Variants in GORAB observed in about 807,000 individuals in gnomAD.
GORAB encodes the protein golgin, RAB6 interacting, also known as RAB6-interacting golgin.
A neutral mutation model predicts 29.9 loss-of-function variants in GORAB; 17 were observed. The observed-to-expected ratio is 0.57, with a 90% CI of 0.39 to 0.85. GORAB has a LOEUF of 0.85. GORAB is among the 40% of genes least tolerant of loss of function. GORAB has a pLI of 0.00. For synonymous variants in GORAB, 183 were observed against 157.2 expected, an observed-to-expected ratio of 1.16 and a Z score of -1.23; for missense variants, 442 against 437.8, an observed-to-expected ratio of 1.01 and a Z score of -0.09.
chr1:170,539,552 A>G lies in GORAB; in HGVS notation c.404A>G (p.Lys135Arg), dbSNP rs1649281075. Reference protein sequence around the residue: ...LPPKPDCKLEKKKVELQEKSR... With the variant: ...LPPKPDCKLERKKVELQEKSR... ...CCAAAGCCAGATTGCAAATTGGAGA[A>G]AAAGAAAGTGGAATTGTTAGTAAGT... Residue 135 changes from lysine (K) to arginine (R), a missense_variant, in exon 2 of 5, where the codon AAA (lysine) becomes AGA (arginine). By Grantham distance (26) the Lys-to-Arg change is conservative. Coordinates refer to ENST00000367763, the MANE Select transcript of GORAB (RefSeq NM_152281.3). 5 of 1,613,964 alleles carry G rather than the reference A, an allele frequency of 3.1e-6. No individual in the cohort carries two copies.
chr1:170,538,209 T>G (rs1649173836), intron 1 of GORAB, among the ~76,000 whole-genome samples: 1 of 152,238 alleles, frequency 6.6e-6, no homozygotes, highest in Non-Finnish European at 1.5e-5. Context: ...CTGAGGTCAC[T>G]GAGCTGGGCA....
In GORAB at chr1:170,547,409, GCTGCTA is replaced by G. The variant is rs978877211; in HGVS notation, c.662+2570_662+2575del. On this transcript the variant is annotated intron_variant, in intron 4 of 4. Coordinates refer to ENST00000367763, the MANE Select transcript of GORAB (RefSeq NM_152281.3). ...ATTTGAGAGAGTTGCTGCTGCTGCT[GCTGCTA>G]CTGCTGCTACTGCTGCTACTGCTGC... Among the ~76,000 whole-genome samples the G allele has an allele frequency of 9.4e-3, 24 of 2,546 alleles. No homozygotes were observed. The Non-Finnish European group carries it at 0.11, about 11-fold the overall frequency. The allele number at this position is 2,546 out of a possible 152,430, so 1.7% of individuals were successfully genotyped here.
At chr1:170,550,703 A>G (rs528163399) in intron 4 of GORAB, among the ~76,000 whole-genome samples, 2 of 152,276 alleles carry the variant, frequency 1.3e-5, no homozygotes, top group African/African-American at 4.8e-5. Flanking sequence ...CTTTTTTGCT[A>G]TAACTCTTGT....
intron 2 of GORAB, 93 bp downstream of exon 2, chr1:170,539,660 C>A: frequency 7.6e-7 from 1 of 1,320,542 alleles, no homozygotes; most frequent in South Asian, 1.3e-5. Context: ...TTTATTTTAA[C>A]ATTTTCTCTC....
At chr1:170,543,163 C>G (rs1649541333) in intron 3 of GORAB, among the ~76,000 whole-genome samples, 1 of 152,186 alleles carries the variant, frequency 6.6e-6, no homozygotes, top group African/African-American at 2.4e-5. Flanking sequence ...CTTCCAGTGT[C>G]TATCAGCAGC....
intron 1 of GORAB, among the ~76,000 whole-genome samples, chr1:170,538,523 TC>T (rs1272513286): frequency 1.3e-5 from 2 of 152,166 alleles, no homozygotes; most frequent in Non-Finnish European, 2.9e-5. Flanking sequence ...TAAAGATATT[TC>T]CCCCCAGTTG....
chr1:170,533,461 C>T (rs1648842389), intron 1 of GORAB: 1 of 399,346 alleles, frequency 2.5e-6, no homozygotes, highest in Non-Finnish European at 5.3e-6. Flanking sequence ...CTTTGATATA[C>T]AGGGTACAAG....
At position 170,552,422 on chromosome 1, in the gene GORAB, A is replaced by G. The variant is rs1207054084; in HGVS notation, c.1070A>G (p.Asn357Ser). ...SIPFLSPNCPNQEGNDISAAL... is the reference protein window; with the variant it reads ...SIPFLSPNCPSQEGNDISAAL... ...CCCTTTCTTAGTCCAAACTGCCCAA[A>G]TCAAGAAGGTAATGACATTTCAGCT... The change falls in exon 5 of 5, where the codon AAT becomes AGT. Residue 357 changes from asparagine (N) to serine (S), a missense_variant. By Grantham distance (46) the Asn-to-Ser change is conservative. Transcript: ENST00000367763. The G allele has an allele frequency of 6.2e-7, 1 of 1,614,030 alleles. No homozygotes were observed.
rs1246576853 is a variant in GORAB, at chr1:170,552,790, GA to G, written c.*332del. The G allele has an allele frequency of 2.2e-6, 1 of 461,638 alleles. No homozygotes were observed. Among genetic ancestry groups the G allele is most frequent in the Non-Finnish European group, 4.3e-6 (1 of 232,152 alleles). 28.6% of individuals were successfully genotyped at this position (461,638 alleles called of 1,614,324 possible). ...CAGATAAATATAGAAAAGTAAAATGGAAAATGATACTCAATACCTAGTTAAA... is the reference window on the plus strand; with the variant it reads ...CAGATAAATATAGAAAAGTAAAATGGAAATGATACTCAATACCTAGTTAAA... On this transcript the variant is annotated 3_prime_UTR_variant, in exon 5 of 5. Transcript: ENST00000367763.
At position 170,552,183 on chromosome 1, in the gene GORAB, A is replaced by G. The variant is rs1571262258; in HGVS notation, c.831A>G (p.Glu277=). The G allele has an allele frequency of 6.2e-7, 1 of 1,614,148 alleles. No individual in the cohort carries two copies. The highest frequency in any genetic ancestry group is 2.2e-5 in the East Asian group (1 of 44,886). Residue 277 remains glutamate, a synonymous_variant, in exon 5 of 5, where the codon GAA becomes GAG. Coordinates refer to ENST00000367763, the MANE Select transcript of GORAB (RefSeq NM_152281.3). ...AGTTGATGCAACAACTAGATGTAGAAGCCGATGAAGAGACTTTGGAGCTTG... is the reference window on the plus strand; with the variant it reads ...AGTTGATGCAACAACTAGATGTAGAGGCCGATGAAGAGACTTTGGAGCTTG... ...LEELMQQLDV[E]ADEETLELEV...
At position 170,541,203 on chromosome 1, in the gene GORAB, CAAAAAAAAAAA is replaced by C. The variant is rs67384213; in HGVS notation, c.420-1275_420-1265del. ...TGGGCAACAGAGCAAGATTCTGTCCCAAAAAAAAAAAAAAAAAAAAAAAGCAGAACTGAGGA... is the reference window on the plus strand; with the variant it reads ...TGGGCAACAGAGCAAGATTCTGTCCCAAAAAAAAAAAAGCAGAACTGAGGA... On this transcript the variant is annotated intron_variant, in intron 2 of 4. Transcript: ENST00000367763. Among the ~76,000 whole-genome samples, 6 of 46,332 alleles carry C rather than the reference CAAAAAAAAAAA, an allele frequency of 1.3e-4. No homozygotes were observed. The South Asian group carries it at 3.9e-3, about 30-fold the overall frequency. The allele number at this position is 46,332 out of a possible 152,430, so 30.4% of individuals were successfully genotyped here.
chr1:170,543,612 A>G (rs981281698), intron 3 of GORAB, among the ~76,000 whole-genome samples: 2 of 150,306 alleles, frequency 1.3e-5, no homozygotes, highest in African/African-American at 4.8e-5. Context: ...AAACCAGCAG[A>G]TAAAAGAGTA....
chr1:170,542,405 G>A (rs1183610482), intron 2 of GORAB, 86 bp from the exon 3 acceptor site: 12 of 783,386 alleles, frequency 1.5e-5, no homozygotes, highest in African/African-American at 8.7e-5. Context: ...TTTATACTTA[G>A]AGGACTGAGA....
intron 1 of GORAB, among the ~76,000 whole-genome samples, chr1:170,535,342 G>A (rs1648992878): frequency 6.6e-6 from 1 of 152,122 alleles, no homozygotes; most frequent in Non-Finnish European, 1.5e-5. Flanking sequence ...GTTTATGAGT[G>A]TAACACATGC....
chr1:170,539,941 G>A (rs1649308854), intron 2 of GORAB, among the ~76,000 whole-genome samples: 1 of 151,452 alleles, frequency 6.6e-6, no homozygotes, highest in South Asian at 2.1e-4. Context: ...CTTTTACACT[G>A]AGCAGAAGCA....
At position 170,539,411 on chromosome 1, in the gene GORAB, A is replaced by G; in HGVS notation, c.263A>G (p.His88Arg). ...TTTTCTTCCCCTACTCTTCCGAGTCATTTCACTCTCACCTCCCCCGTTGGT... is the reference window on the plus strand; with the variant it reads ...TTTTCTTCCCCTACTCTTCCGAGTCGTTTCACTCTCACCTCCCCCGTTGGT... ...PPFSSPTLPSHFTLTSPVGDG... is the reference protein window; with the variant it reads ...PPFSSPTLPSRFTLTSPVGDG... Residue 88 changes from histidine (H) to arginine (R), a missense_variant, in exon 2 of 5, where the codon CAT (histidine) becomes CGT (arginine). Coordinates refer to ENST00000367763, the MANE Select transcript of GORAB (RefSeq NM_152281.3). 6.2e-7 allele frequency: 1 copy of G among 1,614,114 alleles called. No individual in the cohort carries two copies. The highest frequency in any genetic ancestry group is 2.2e-5 in the East Asian group (1 of 44,874).
chr1:170,538,560 G>A (rs911793400), intron 1 of GORAB, among the ~76,000 whole-genome samples: 2 of 152,056 alleles, frequency 1.3e-5, no homozygotes, highest in African/African-American at 4.8e-5. Context: ...CTTTACTGAG[G>A]CTACTATTAA....
intron 1 of GORAB, among the ~76,000 whole-genome samples, chr1:170,534,907 T>C (rs1220321608): frequency 6.6e-6 from 1 of 152,172 alleles, no homozygotes; most frequent in Non-Finnish European, 1.5e-5. Flanking sequence ...TTCAGAGGTA[T>C]TGGTATTTAT....
At chr1:170,542,458 T>TA (rs1241186297) in intron 2 of GORAB, 33 bp from the exon 3 acceptor site, 8 of 1,380,816 alleles carry the variant, frequency 5.8e-6, no homozygotes, top group Non-Finnish European at 8.3e-6. Flanking sequence ...TTTTCTTTCA[T>TA]AAACTCATTT....
Sources: allele counts gnomAD v4.1 joint callset (sites outside exome capture counted in the v4.1 genomes callset), GRCh38; gene constraint gnomAD v4.1.1; transcripts MANE v1.5; gene names NCBI Gene and HGNC (gene_info 2026-07-23, HGNC 2026-07-21).